The following PCDHB3 variants were observed in gnomAD, a reference collection of about 807,000 sequenced individuals.
The protein encoded by PCDHB3 is protocadherin beta 3, also known as protocadherin beta-3.
For missense variants in PCDHB3, 967 were observed against 1,012.1 expected (o/e 0.96, Z 0.60); for synonymous variants, 479 against 456.0 (o/e 1.05, Z -0.64).
chr5:141,102,864 G>A lies in PCDHB3; in HGVS notation c.2215G>A (p.Val739Met), dbSNP rs2021052. Reference sequence around the variant, plus strand: ...CCCCTTTCCAGGGCAGATGGTGGACGTGAGCGGCACCGGGACCCTGTCCCA... The same window carrying A: ...CCCCTTTCCAGGGCAGATGGTGGACATGAGCGGCACCGGGACCCTGTCCCA... ...EGPFPGQMVD[V>M]SGTGTLSQSY... Residue 739 changes from valine (V) to methionine (M), a missense_variant, in exon 1 of 1, where the codon GTG becomes ATG. Physicochemically the swap from Val to Met is conservative, Grantham distance 21 (BLOSUM62 1). Transcript: ENST00000231130. The A allele has an allele frequency of 4.6e-5, 74 of 1,613,628 alleles. No individual in the cohort carries two copies. The East Asian group carries it at 1.6e-3, about 35-fold the overall frequency.
At position 141,100,736 on chromosome 5, in the gene PCDHB3, G is replaced by A; in HGVS notation, c.87G>A (p.Glu29=). The A allele has an allele frequency of 1.9e-6, 3 of 1,614,116 alleles. No homozygotes were observed. The highest frequency in any genetic ancestry group is 2.5e-6 in the Non-Finnish European group (3 of 1,180,022). ...VFLGGSLAGS[E]SRRYSVAEEK... ...TGGGAGGGTCTCTGGCTGGGTCCGA[G>A]TCAAGACGCTATTCTGTGGCTGAGG... Residue 29 remains glutamate, a synonymous_variant, in exon 1 of 1, where the codon GAG becomes GAA. Coordinates refer to ENST00000231130, the MANE Select transcript of PCDHB3 (RefSeq NM_018937.5).
chr5:141,102,032 C>T lies in PCDHB3; in HGVS notation c.1383C>T (p.Arg461=). ...AAATCTCCTACACCCTGTTCGTCCG[C>T]GAGAACAACAGCCCCGCCCTGCACA... ...FTQISYTLFV[R]ENNSPALHIG... is the part of the protein sequence containing the mutation. Residue 461 remains arginine (R), a synonymous_variant, in exon 1 of 1, where the codon CGC becomes CGT. Transcript: ENST00000231130. 2 of 1,613,144 alleles carry T rather than the reference C, an allele frequency of 1.2e-6. No individual in the cohort carries two copies. Among genetic ancestry groups the T allele is most frequent in the Admixed American group, 1.7e-5 (1 of 60,032 alleles).
At position 141,100,617 on chromosome 5, in the gene PCDHB3, G is replaced by T; in HGVS notation, c.-33G>T. 3 of 1,492,496 alleles carry T rather than the reference G, an allele frequency of 2.0e-6. No individual in the cohort carries two copies. The highest frequency in any genetic ancestry group is 2.7e-6 in the Non-Finnish European group (3 of 1,093,982). 92.5% of individuals were successfully genotyped at this position (1,492,496 alleles called of 1,614,324 possible). A position where few individuals can be genotyped will look rare whatever the true frequency, so the allele number is the denominator to read the frequency against. ...AGCTCTGTCTGAGGTTCAGCTTGGC[G>T]ACATTCCCTGGAAGAGCGTGACGGA... On this transcript the variant is annotated 5_prime_UTR_variant, in exon 1 of 1. Coordinates refer to ENST00000231130, the MANE Select transcript of PCDHB3 (RefSeq NM_018937.5).
Position 141,102,902 on chromosome 5 carries a change from C to A in PCDHB3, c.2253C>A (p.Tyr751Ter). The A allele has an allele frequency of 6.2e-7, 1 of 1,613,504 alleles. No individual in the cohort carries two copies. The highest frequency in any genetic ancestry group is 8.5e-7 in the Non-Finnish European group (1 of 1,179,562). ...GGACCCTGTCCCAGAGCTACCAGTA[C>A]GAGGTGTGTCTGACTGGAGGCTCCG... is the stretch of plus-strand genomic sequence containing the variant. ...GTGTLSQSYQ[Y>*]EVCLTGGSGT... is the part of the protein sequence containing the mutation. Residue 751 changes from tyrosine (Y) to a stop codon, truncating the protein, a stop_gained, in exon 1 of 1, where the codon TAC (tyrosine) becomes TAA (stop). Transcript: ENST00000231130. LOFTEE classifies it low-confidence loss of function (END_TRUNC).
chr5:141,100,888 A>G lies in PCDHB3; in HGVS notation c.239A>G (p.Gln80Arg), dbSNP rs782744807. ...AAACAGCATTTTCAGCTCAGTCATC[A>G]GACAGGTGATTTGCTCCTGAATGAG... ...GNKQHFQLSH[Q>R]TGDLLLNEKL... The change falls in exon 1 of 1, where the codon CAG (glutamine) becomes CGG (arginine). Residue 80 changes from glutamine (Q) to arginine (R), a missense_variant. Transcript: ENST00000231130. 1 of 1,614,174 alleles carries G rather than the reference A, an allele frequency of 6.2e-7. No individual in the cohort carries two copies. The highest frequency in any genetic ancestry group is 8.5e-7 in the Non-Finnish European group (1 of 1,180,034).
Position 141,101,003 on chromosome 5 carries a change from A to G in PCDHB3, c.354A>G (p.Thr118=), listed in dbSNP as rs1554272156. ...ILLQNPLQFV[T]NELRIIDVND... is the part of the protein sequence containing the mutation. ...TGCAAAACCCTTTGCAATTCGTTAC[A>G]AACGAGCTCCGTATCATAGATGTAA... is the stretch of plus-strand genomic sequence containing the variant. The change falls in exon 1 of 1, where the codon ACA becomes ACG. Residue 118 remains threonine (T), a synonymous_variant. Coordinates refer to ENST00000231130, the MANE Select transcript of PCDHB3 (RefSeq NM_018937.5). The G allele has an allele frequency of 6.2e-7, 1 of 1,614,174 alleles. No homozygotes were observed. The highest frequency in any genetic ancestry group is 1.3e-5 in the African/African-American group (1 of 75,018).
At position 141,101,073 on chromosome 5, in the gene PCDHB3, A is replaced by C. The variant is rs782514398; in HGVS notation, c.424A>C (p.Ile142Leu). Residue 142 changes from isoleucine (I) to leucine (L), a missense_variant, in exon 1 of 1, where the codon ATC becomes CTC. Physicochemically the swap from Ile to Leu is conservative, Grantham distance 5. Coordinates refer to ENST00000231130, the MANE Select transcript of PCDHB3 (RefSeq NM_018937.5). ...CTTTGAAAATGAAATGCATCTGAAA[A>C]TCCTAGAAAGCACTCTGCCAGGAAC... ...VFFENEMHLK[I>L]LESTLPGTVI... 1.2e-6 allele frequency: 2 copies of C among 1,614,202 alleles called. No individual in the cohort carries two copies. The highest frequency in any genetic ancestry group is 1.7e-6 in the Non-Finnish European group (2 of 1,180,038).
chr5:141,100,895 T>G lies in PCDHB3; in HGVS notation c.246T>G (p.Gly82=), dbSNP rs782445764. The part of the protein sequence containing the change: ...KQHFQLSHQT[G]DLLLNEKLDR... Reference sequence around the variant, plus strand: ...ATTTTCAGCTCAGTCATCAGACAGGTGATTTGCTCCTGAATGAGAAATTGG... The same window carrying G: ...ATTTTCAGCTCAGTCATCAGACAGGGGATTTGCTCCTGAATGAGAAATTGG... The change falls in exon 1 of 1, where the codon GGT becomes GGG. Residue 82 remains glycine, a synonymous_variant. Transcript: ENST00000231130. The G allele has an allele frequency of 6.2e-7, 1 of 1,614,058 alleles. No homozygotes were observed. Among genetic ancestry groups the G allele is most frequent in the Non-Finnish European group, 8.5e-7 (1 of 1,180,002 alleles).
chr5:141,102,022 T>C lies in PCDHB3; in HGVS notation c.1373T>C (p.Leu458Pro). Residue 458 changes from leucine to proline, a missense_variant, in exon 1 of 1, where the codon CTG becomes CCG. By Grantham distance (98) the Leu-to-Pro change is moderately conservative. Coordinates refer to ENST00000231130, the MANE Select transcript of PCDHB3 (RefSeq NM_018937.5). ...GCCTTCACCCAAATCTCCTACACCC[T>C]GTTCGTCCGCGAGAACAACAGCCCC... is the stretch of plus-strand genomic sequence containing the variant. ...APAFTQISYT[L>P]FVRENNSPAL... is the part of the protein sequence containing the mutation. 1 of 1,613,186 alleles carries C rather than the reference T, an allele frequency of 6.2e-7. No individual in the cohort carries two copies. Among genetic ancestry groups the C allele is most frequent in the Non-Finnish European group, 8.5e-7 (1 of 1,180,020 alleles).
In PCDHB3 at chr5:141,102,198, A is replaced by C. The variant is rs1334605993; in HGVS notation, c.1549A>C (p.Arg517=). The part of the protein sequence containing the change: ...NADNGHLFAL[R]SLDYEALQAF... Reference sequence around the variant, plus strand: ...GGACAACGGCCACCTGTTTGCCCTCAGGTCGCTGGACTACGAGGCCCTGCA... The same window carrying C: ...GGACAACGGCCACCTGTTTGCCCTCCGGTCGCTGGACTACGAGGCCCTGCA... The change falls in exon 1 of 1, where the codon AGG becomes CGG. Residue 517 remains arginine, a synonymous_variant. Transcript: ENST00000231130. 14 of 1,612,728 alleles carry C rather than the reference A, an allele frequency of 8.7e-6. No individual in the cohort carries two copies. In the Middle Eastern group the frequency reaches 7.8e-4, roughly 90 times the overall value.
rs1751985569 is a variant in PCDHB3, at chr5:141,102,615, GC to G, written c.1968del (p.Thr657ArgfsTer83). On this transcript the variant is annotated frameshift_variant, in exon 1 of 1. Transcript: ENST00000231130. LOFTEE classifies it low-confidence loss of function (END_TRUNC). ...DNGEPPRSATATLHVLLVDGF... is the reference protein window; with the variant it reads ...DNGEPPRSATXTLHVLLVDGF... ...TGGCGAGCCTCCGCGCTCGGCCACC[GC>G]CACGCTGCATGTGCTCCTGGTGGAC... The G allele has an allele frequency of 6.2e-7, 1 of 1,608,948 alleles. No individual in the cohort carries two copies. Among genetic ancestry groups the G allele is most frequent in the African/African-American group, 1.3e-5 (1 of 74,870 alleles).
In PCDHB3 at chr5:141,103,235, G is replaced by A. The variant is rs1317072191; in HGVS notation, c.*195G>A. 7.3e-6 allele frequency: 4 copies of A among 549,326 alleles called. No homozygotes were observed. Among genetic ancestry groups the A allele is most frequent in the Non-Finnish European group, 1.2e-5 (4 of 325,536 alleles). 34.0% of individuals were successfully genotyped at this position (549,326 alleles called of 1,614,324 possible). A position where few individuals can be genotyped will look rare whatever the true frequency, so the allele number is the denominator to read the frequency against. Reference sequence around the variant, plus strand: ...GTAGTTGTGTGGCTCTGAATGTTTTGTATTTCAATCGAGAATCCTTAGTCG... The same window carrying A: ...GTAGTTGTGTGGCTCTGAATGTTTTATATTTCAATCGAGAATCCTTAGTCG... On this transcript the variant is annotated 3_prime_UTR_variant, in exon 1 of 1. Transcript: ENST00000231130.
Position 141,102,553 on chromosome 5 carries a change from C to G in PCDHB3, c.1904C>G (p.Ala635Gly). 3.7e-6 allele frequency: 6 copies of G among 1,608,696 alleles called. No individual in the cohort carries two copies. Among genetic ancestry groups the G allele is most frequent in the South Asian group, 1.1e-5 (1 of 90,962 alleles). The change falls in exon 1 of 1, where the codon GCG becomes GGG. Residue 635 changes from alanine to glycine, a missense_variant. Ala to Gly is a moderately conservative substitution (Grantham distance 60). Coordinates refer to ENST00000231130, the MANE Select transcript of PCDHB3 (RefSeq NM_018937.5). ...GCCAGGCTGCTGAGCGAGCGCGACG[C>G]GGCCAAGCACAGGCTGGTGGTGCTG... The part of the protein sequence containing the change: ...RTARLLSERD[A>G]AKHRLVVLVK...
chr5:141,101,584 T>C lies in PCDHB3; in HGVS notation c.935T>C (p.Ile312Thr). 1 of 1,614,166 alleles carries C rather than the reference T, an allele frequency of 6.2e-7. No individual in the cohort carries two copies. Among genetic ancestry groups the C allele is most frequent in the Non-Finnish European group, 8.5e-7 (1 of 1,180,024 alleles). The change falls in exon 1 of 1, where the codon ATT (isoleucine) becomes ACT (threonine). Residue 312 changes from isoleucine (I) to threonine (T), a missense_variant. By Grantham distance (89) the Ile-to-Thr change is moderately conservative (BLOSUM62 -1). Transcript: ENST00000231130. ...GTCAAATATTTGAATTTTGAAGCGA[T>C]TAATAGTTATGAAGTCGACATCGAG... ...QLVKYLNFEA[I>T]NSYEVDIEAK...
Position 141,101,792 on chromosome 5 carries a change from G to A in PCDHB3, c.1143G>A (p.Val381=). ...TAGACTCTGGAGACAACGGAAGAGT[G>A]ATGTGTTCCATTGAGAACAATCTCC... ...SDLDSGDNGR[V]MCSIENNLPF... Residue 381 remains valine (V), a synonymous_variant, in exon 1 of 1, where the codon GTG becomes GTA. Coordinates refer to ENST00000231130, the MANE Select transcript of PCDHB3 (RefSeq NM_018937.5). The A allele has an allele frequency of 4.3e-6, 7 of 1,614,072 alleles. No individual in the cohort carries two copies. The highest frequency in any genetic ancestry group is 5.1e-6 in the Non-Finnish European group (6 of 1,180,016).
rs781880661 is a variant in PCDHB3, at chr5:141,101,964, G to C, written c.1315G>C (p.Val439Leu). The C allele has an allele frequency of 1.2e-5, 20 of 1,613,528 alleles. No homozygotes were observed. Among genetic ancestry groups the C allele is most frequent in the South Asian group, 4.4e-5 (4 of 91,052 alleles). Residue 439 changes from valine (V) to leucine (L), a missense_variant, in exon 1 of 1, where the codon GTG becomes CTG. Coordinates refer to ENST00000231130, the MANE Select transcript of PCDHB3 (RefSeq NM_018937.5). Reference sequence around the variant, plus strand: ...GCTGAAAACCAAGTACAACATAACCGTGCTGGTCTCCGACGTCAATGACAA... The same window carrying C: ...GCTGAAAACCAAGTACAACATAACCCTGCTGGTCTCCGACGTCAATGACAA... ...PRLKTKYNIT[V>L]LVSDVNDNAP...
rs1751932678 is a variant in PCDHB3 at position 141,101,247 on chromosome 5, CT to C, written c.599del (p.Leu200ProfsTer11). ...CCCGGAACTAGTACTGGATAAAGCG[CT>C]CGATCCGGAGGAGCAGCCGGAACTC... ...KYPELVLDKA[L>X]DPEEQPELSL... On this transcript the variant is annotated frameshift_variant, in exon 1 of 1. Transcript: ENST00000231130. LOFTEE classifies it low-confidence loss of function (END_TRUNC). The C allele has an allele frequency of 6.2e-7, 1 of 1,614,044 alleles. No individual in the cohort carries two copies. Among genetic ancestry groups the C allele is most frequent in the African/African-American group, 1.3e-5 (1 of 74,914 alleles).
Position 141,103,100 on chromosome 5 carries a change from T to G in PCDHB3, c.*60T>G. 3.3e-6 allele frequency: 5 copies of G among 1,536,104 alleles called. No homozygotes were observed. The highest frequency in any genetic ancestry group is 4.4e-6 in the Non-Finnish European group (5 of 1,142,312). ...TAATCTGTGGAAAGTCCTTTTTTAC[T>G]GCTTTGTCCATTGGAGAGGTCTTTT... On this transcript the variant is annotated 3_prime_UTR_variant, in exon 1 of 1. Coordinates refer to ENST00000231130, the MANE Select transcript of PCDHB3 (RefSeq NM_018937.5).
At position 141,102,226 on chromosome 5, in the gene PCDHB3, C is replaced by G. The variant is rs377022974; in HGVS notation, c.1577C>G (p.Ala526Gly). ...TCGCTGGACTACGAGGCCCTGCAGGCGTTCGAGTTCCGCGTGGGCGCCACA... is the reference window on the plus strand; with the variant it reads ...TCGCTGGACTACGAGGCCCTGCAGGGGTTCGAGTTCCGCGTGGGCGCCACA... Reference protein sequence around the residue: ...LRSLDYEALQAFEFRVGATDR... With the variant: ...LRSLDYEALQGFEFRVGATDR... The change falls in exon 1 of 1, where the codon GCG becomes GGG. Residue 526 changes from alanine to glycine, a missense_variant. By Grantham distance (60) the Ala-to-Gly change is moderately conservative. Coordinates refer to ENST00000231130, the MANE Select transcript of PCDHB3 (RefSeq NM_018937.5). The G allele has an allele frequency of 6.2e-7, 1 of 1,603,744 alleles. No homozygotes were observed. Among genetic ancestry groups the G allele is most frequent in the Admixed American group, 1.7e-5 (1 of 59,636 alleles).
Sources: gnomAD v4.1 joint callset for allele counts on GRCh38, gnomAD v4.1.1 for gene constraint, MANE v1.5 for transcripts, NCBI Gene and HGNC (gene_info 2026-07-23, HGNC 2026-07-21) for gene names.